The following IGSF21 variants were observed in gnomAD, a reference collection of about 807,000 sequenced individuals.
IGSF21 encodes immunoglobulin superfamily member 21.
In IGSF21, 28 loss-of-function variants were observed where a neutral mutation model predicts 46.8. The observed-to-expected ratio is 0.60, with a 90% CI of 0.44 to 0.82. The LOEUF is 0.82. Ranked by LOEUF, IGSF21 falls within the 40% of genes least tolerant of loss-of-function variation. The pLI is 0.00. For synonymous variants in IGSF21, 284 were observed against 273.6 expected (o/e 1.04, Z -0.38); for missense variants, 624 against 665.5 (o/e 0.94, Z 0.69).
chr1:18,377,464 A>G (rs770459793), intron 9 of IGSF21, 33 bp downstream of exon 9: 30 of 1,585,368 alleles, frequency 1.9e-5, no homozygotes, highest in Non-Finnish European at 2.5e-5. Context: ...TTTTGCTTAA[A>G]AGGGAGTGGC....
At chr1:18,344,130 C>G (rs1361139414) in intron 4 of IGSF21, among the ~76,000 whole-genome samples, 3 of 152,146 alleles carry the variant, frequency 2.0e-5, no homozygotes, top group African/African-American at 7.2e-5. Context: ...CTGGCACTCC[C>G]CTCTGGAAAA....
intron 2 of IGSF21, among the ~76,000 whole-genome samples, chr1:18,272,610 A>G (rs115701554): frequency 5.3e-4 from 81 of 152,378 alleles, no homozygotes; most frequent in African/African-American, 1.9e-3. Flanking sequence ...TGACCGCGAC[A>G]GCCCCTTCTT....
chr1:18,320,325 C>G (rs540758925), intron 3 of IGSF21, among the ~76,000 whole-genome samples: 1 of 138,748 alleles, frequency 7.2e-6, no homozygotes, highest in Non-Finnish European at 1.7e-5. Flanking sequence ...CCTTCAGCAC[C>G]ACGTAGCGCA....
chr1:18,346,512 C>CG (rs2085894708), intron 4 of IGSF21, among the ~76,000 whole-genome samples: 1 of 151,926 alleles, frequency 6.6e-6, no homozygotes, highest in Admixed American at 6.6e-5. Flanking sequence ...ATGCAGTGGC[C>CG]GGACATAAGA....
At chr1:18,372,511 T>TAGAA (rs2086234185) in intron 6 of IGSF21, among the ~76,000 whole-genome samples, 1 of 134,824 alleles carries the variant, frequency 7.4e-6, no homozygotes, top group African/African-American at 2.7e-5. Context: ...CTTGGATGGA[T>TAGAA]GGAAGGATGG....
chr1:18,278,171 TG>T (rs1448017355), intron 2 of IGSF21, among the ~76,000 whole-genome samples: 1 of 151,162 alleles, frequency 6.6e-6, no homozygotes, highest in Non-Finnish European at 1.5e-5. Context: ...GAATGGAGGG[TG>T]GGGGGAGATA....
chr1:18,353,744 A>G (rs1048717438), intron 4 of IGSF21, among the ~76,000 whole-genome samples: 1 of 152,312 alleles, frequency 6.6e-6, no homozygotes, highest in East Asian at 1.9e-4. Context: ...TGTGGCTGGA[A>G]AGAGCTGAGT....
At chr1:18,331,430 C>T (rs1033650051) in intron 3 of IGSF21, among the ~76,000 whole-genome samples, 1 of 152,218 alleles carries the variant, frequency 6.6e-6, no homozygotes, top group African/African-American at 2.4e-5. Context: ...GCTGTGAATG[C>T]CATTATTTTG....
intron 2 of IGSF21, among the ~76,000 whole-genome samples, chr1:18,243,710 C>A (rs1369292104): frequency 6.6e-6 from 1 of 152,234 alleles, no homozygotes; most frequent in Non-Finnish European, 1.5e-5. Flanking sequence ...ACACCAGCCT[C>A]ATTTGGGTTC....
At chr1:18,128,051 T>C (rs1274764878) in intron 1 of IGSF21, among the ~76,000 whole-genome samples, 3 of 152,170 alleles carry the variant, frequency 2.0e-5, no homozygotes, top group Non-Finnish European at 2.9e-5. Context: ...TTAGTGATAC[T>C]CTTGGATATT....
intron 1 of IGSF21, among the ~76,000 whole-genome samples, chr1:18,170,163 G>A (rs1389834620): frequency 6.6e-6 from 1 of 152,184 alleles, no homozygotes; most frequent in East Asian, 1.9e-4. Flanking sequence ...AGGCATCACT[G>A]GACCTTGATG....
At chr1:18,344,553 GA>G (rs139617903) in intron 4 of IGSF21, among the ~76,000 whole-genome samples, 2,023 of 152,228 alleles carry the variant, frequency 0.013, 39 homozygotes, top group African/African-American at 0.046. Context: ...ACAGCAATGG[GA>G]AAGCAGAGTT....
In IGSF21 at chr1:18,145,600, C is replaced by T. The variant is rs893395128; in HGVS notation, c.70+37402C>T. ...ACCGAGGACACGAAGCACACACATC[C>T]TCTTGCCACAACAACACAGATGCAA... On this transcript the variant is annotated intron_variant, in intron 1 of 9. Coordinates refer to ENST00000251296, the MANE Select transcript of IGSF21 (RefSeq NM_032880.5). 5.9e-5 allele frequency among the ~76,000 whole-genome samples: 9 copies of T among 152,196 alleles called. No homozygotes were observed. The East Asian group carries it at 1.7e-3, about 30-fold the overall frequency.
chr1:18,358,044 AGAGTGT>A (rs746661139), intron 4 of IGSF21, among the ~76,000 whole-genome samples: 1 of 151,032 alleles, frequency 6.6e-6, no homozygotes, highest in Non-Finnish European at 1.5e-5. Flanking sequence ...AGAGAGAGAG[AGAGTGT>A]GTGTGTGTGT....
At chr1:18,245,865 T>C (rs2084778688) in intron 2 of IGSF21, among the ~76,000 whole-genome samples, 1 of 152,136 alleles carries the variant, frequency 6.6e-6, no homozygotes, top group South Asian at 2.1e-4. Flanking sequence ...CAGATCAGGA[T>C]TCAAACACAT....
chr1:18,327,888 A>G (rs2085672819), intron 3 of IGSF21, among the ~76,000 whole-genome samples: 1 of 152,238 alleles, frequency 6.6e-6, no homozygotes, highest in African/African-American at 2.4e-5. Flanking sequence ...ATACCCCAAT[A>G]AAGCAATTAA....
At chr1:18,259,188 A>G (rs2084918353) in intron 2 of IGSF21, among the ~76,000 whole-genome samples, 1 of 152,162 alleles carries the variant, frequency 6.6e-6, no homozygotes, top group Non-Finnish European at 1.5e-5. Context: ...TATGAGAGAA[A>G]TCTCAGTGGA....
At chr1:18,175,997 C>A (rs867171790) in intron 1 of IGSF21, among the ~76,000 whole-genome samples, 4 of 152,198 alleles carry the variant, frequency 2.6e-5, no homozygotes, top group Non-Finnish European at 4.4e-5. Flanking sequence ...CTGGGCATGC[C>A]GCTGGATGTG....
intron 2 of IGSF21, among the ~76,000 whole-genome samples, chr1:18,267,994 A>G (rs1350749038): frequency 6.6e-6 from 1 of 152,238 alleles, no homozygotes; most frequent in Non-Finnish European, 1.5e-5. Context: ...TGCTCTATCT[A>G]GAACGAGAAC....
Sources: allele counts gnomAD v4.1 joint callset (sites outside exome capture counted in the v4.1 genomes callset), GRCh38; gene constraint gnomAD v4.1.1; transcripts MANE v1.5; gene names NCBI Gene and HGNC (gene_info 2026-07-23, HGNC 2026-07-21).